MARK4: variants seen among roughly 807,000 people sequenced by gnomAD.
MARK4 encodes microtubule affinity regulating kinase 4.
In MARK4, 19 loss-of-function variants were observed where a neutral mutation model predicts 81.5. That is an observed-to-expected ratio of 0.23 (90% CI 0.16 to 0.34). The LOEUF (loss-of-function observed/expected upper bound fraction) is 0.34, where lower values mean the gene tolerates loss of function less well. Ranked by LOEUF, MARK4 falls within the 10% of genes least tolerant of loss-of-function variation. The pLI is 1.00. For synonymous variants in MARK4, 436 were observed against 439.0 expected, an observed-to-expected ratio of 0.99 and a Z score of 0.08; for missense variants, 772 against 1,058.8, an observed-to-expected ratio of 0.73 and a Z score of 3.76.
chr19:45,267,577 T>G (rs549229957), intron 7 of MARK4, among the ~76,000 whole-genome samples: 216 of 152,338 alleles, frequency 1.4e-3, no homozygotes, highest in African/African-American at 5.1e-3. Flanking sequence ...CCGGTTGTCT[T>G]GACTGTCGTT....
At chr19:45,274,141 C>T (rs558543415) in intron 8 of MARK4, among the ~76,000 whole-genome samples, 2 of 152,196 alleles carry the variant, frequency 1.3e-5, no homozygotes, top group East Asian at 3.9e-4. Flanking sequence ...CCCAGCCACT[C>T]GGGTGGCTGA....
rs560964205 is a variant in MARK4, at chr19:45,253,272, C to T, written c.51+1633C>T. Among the ~76,000 whole-genome samples the T allele has an allele frequency of 3.9e-5, 6 of 152,206 alleles. No individual in the cohort carries two copies. The South Asian group carries it at 1.2e-3, about 32-fold the overall frequency. ...CTCCCTCACAGAGACCACCCCGCAT[C>T]ATCACTATGGGCCAGAACTCCAATT... On this transcript the variant is annotated intron_variant, in intron 1 of 16. Coordinates refer to ENST00000262891, the MANE Select transcript of MARK4 (RefSeq NM_001199867.2).
Position 45,278,059 on chromosome 19 carries a change from A to G in MARK4, c.906+17A>G, listed in dbSNP as rs1371204278. ...ACTCTCGAGGTGAGCCCAGCCTCAC[A>G]GCCAGCGGGAGCCCTTCTAGTCTCC... On this transcript the variant is annotated intron_variant, in intron 9 of 16. Coordinates refer to ENST00000262891, the MANE Select transcript of MARK4 (RefSeq NM_001199867.2). 6.2e-7 allele frequency: 1 copy of G among 1,612,136 alleles called. No individual in the cohort carries two copies. The highest frequency in any genetic ancestry group is 8.5e-7 in the Non-Finnish European group (1 of 1,179,680).
intron 14 of MARK4, among the ~76,000 whole-genome samples, chr19:45,295,917 T>C (rs1970881354): frequency 1.3e-5 from 2 of 152,226 alleles, no homozygotes; most frequent in African/African-American, 4.8e-5. Flanking sequence ...TTTTTTTTGG[T>C]GGTTATCAAA....
intron 1 of MARK4, 75 bp downstream of exon 1, chr19:45,251,714 G>A (rs1030690425): frequency 1.5e-6 from 2 of 1,326,636 alleles, no homozygotes; most frequent in African/African-American, 1.6e-5. Flanking sequence ...TGTACCCCTC[G>A]CCCCGCGAGC....
In MARK4 at chr19:45,304,855, A is replaced by G. The variant is rs955315119; in HGVS notation, c.*2145A>G. On this transcript the variant is annotated 3_prime_UTR_variant, in exon 17 of 17. Transcript: ENST00000262891. ...CAAGGGCCAGGGAGCAAGAGAGAGG[A>G]CAGGTCCTCAACAAATGGCATGTGA... 2 of 152,416 alleles carry G rather than the reference A, an allele frequency of 1.3e-5. No homozygotes were observed. The highest frequency in any genetic ancestry group is 4.8e-5 in the African/African-American group (2 of 41,464). 9.4% of individuals were successfully genotyped at this position (152,416 alleles called of 1,614,324 possible).
chr19:45,293,382 C>T (rs1403834885), intron 13 of MARK4, among the ~76,000 whole-genome samples: 1 of 152,150 alleles, frequency 6.6e-6, no homozygotes, highest in Non-Finnish European at 1.5e-5. Flanking sequence ...TTTGTTCTAA[C>T]ATTAAAAGAT....
At chr19:45,255,559 C>CAAA (rs34066317) in intron 1 of MARK4, among the ~76,000 whole-genome samples, 22 of 90,198 alleles carry the variant, frequency 2.4e-4, no homozygotes, top group African/African-American at 7.9e-4. Context: ...GAAACTCTGC[C>CAAA]AAAAAAAAAA....
rs1162668518 is a variant in MARK4, at chr19:45,251,584, A to C, written c.-5A>C. 32 of 1,086,682 alleles carry C rather than the reference A, an allele frequency of 2.9e-5. No homozygotes were observed. Among genetic ancestry groups the C allele is most frequent in the Non-Finnish European group, 3.5e-5 (31 of 880,308 alleles). The allele number at this position is 1,086,682 out of a possible 1,614,324, so 67.3% of individuals were successfully genotyped here. A position where few individuals can be genotyped will look rare whatever the true frequency, so the allele number is the denominator to read the frequency against. On this transcript the variant is annotated 5_prime_UTR_variant, in exon 1 of 17. Coordinates refer to ENST00000262891, the MANE Select transcript of MARK4 (RefSeq NM_001199867.2). ...GCCGCCCCTGCCCCCCGGGACCCGG[A>C]GAAGATGTCTTCGCGGACGGTGCTG...
chr19:45,252,355 C>T (rs1599773999), intron 1 of MARK4, among the ~76,000 whole-genome samples: 1 of 152,146 alleles, frequency 6.6e-6, no homozygotes, highest in African/African-American at 2.4e-5. Flanking sequence ...GTCTCTTCCT[C>T]TCCCAGGAAG....
In MARK4 at chr19:45,271,212, A is replaced by G. The variant is rs1383027448; in HGVS notation, c.550-260A>G. Among the ~76,000 whole-genome samples the G allele has an allele frequency of 6.6e-6, 1 of 152,166 alleles. No homozygotes were observed. The highest frequency in any genetic ancestry group is 1.9e-4 in the East Asian group (1 of 5,194). ...TGAGCCACTATGTCTGGCCTGTGCT[A>G]GGTTTTCTATGTGGATTAACTCATA... is the stretch of plus-strand genomic sequence containing the variant. On this transcript the variant is annotated intron_variant, in intron 7 of 16. Coordinates refer to ENST00000262891, the MANE Select transcript of MARK4 (RefSeq NM_001199867.2). This position sits in a 1 kb window ranked among gnomAD's most constrained non-coding sequence, Gnocchi z 4.1.
At chr19:45,293,675 C>T (rs1037509207) in intron 13 of MARK4, among the ~76,000 whole-genome samples, 1 of 152,218 alleles carries the variant, frequency 6.6e-6, no homozygotes, top group Non-Finnish European at 1.5e-5. Context: ...AAAAAGAGGG[C>T]TCTCTTCCTA....
intron 8 of MARK4, among the ~76,000 whole-genome samples, chr19:45,275,122 G>A (rs545233558): frequency 2.0e-5 from 3 of 152,236 alleles, no homozygotes; most frequent in African/African-American, 4.8e-5. Flanking sequence ...GTAGCCAGGC[G>A]TGGCGGCACG....
At chr19:45,278,655 G>A (rs1443003951) in intron 10 of MARK4, 40 bp downstream of exon 10, 2 of 1,456,064 alleles carry the variant, frequency 1.4e-6, no homozygotes, top group Non-Finnish European at 1.9e-6. Context: ...CCAGGATGGA[G>A]TGCAGTGGTG....
At chr19:45,278,686 C>T in intron 10 of MARK4, 71 bp downstream of exon 10, 2 of 1,124,890 alleles carry the variant, frequency 1.8e-6, no homozygotes, top group Non-Finnish European at 2.7e-6. Context: ...TCACTGCAAC[C>T]TCCGCCTCCC....
chr19:45,261,566 C>T (rs1468512217), intron 2 of MARK4, among the ~76,000 whole-genome samples: 2 of 152,166 alleles, frequency 1.3e-5, no homozygotes, highest in Admixed American at 6.5e-5. Flanking sequence ...ACACATGGTT[C>T]CCTATATGTG....
In MARK4 at chr19:45,304,977, C is replaced by G. The variant is rs1042291873; in HGVS notation, c.*2267C>G. The G allele has an allele frequency of 6.6e-6, 1 of 152,308 alleles. No homozygotes were observed. The highest frequency in any genetic ancestry group is 2.4e-5 in the African/African-American group (1 of 41,366). The allele number at this position is 152,308 out of a possible 1,614,324, so 9.4% of individuals were successfully genotyped here. A position where few individuals can be genotyped will look rare whatever the true frequency, so the allele number is the denominator to read the frequency against. On this transcript the variant is annotated 3_prime_UTR_variant, in exon 17 of 17. Coordinates refer to ENST00000262891, the MANE Select transcript of MARK4 (RefSeq NM_001199867.2). ...GGGCCTGGGCTTTCTTCCAAGGGCA[C>G]TGGGGGAGCCATGGCAAGGTTGTAG...
At position 45,297,781 on chromosome 19, in the gene MARK4, C is replaced by T. The variant is rs774003543; in HGVS notation, c.1704C>T (p.Thr568=). The change falls in exon 15 of 17, where the codon ACC becomes ACT. Residue 568 remains threonine, a synonymous_variant. Transcript: ENST00000262891. ...RLARGSTIRS[T]FHGGQVRDRR... ...CACGTGGTTCCACCATCCGCAGCAC[C>T]TTCCATGGTGGCCAGGTCCGGGACC... 1.0e-5 allele frequency: 16 copies of T among 1,578,888 alleles called. No homozygotes were observed. The African/African-American group carries it at 1.1e-4, about 11-fold the overall frequency.
intron 13 of MARK4, among the ~76,000 whole-genome samples, chr19:45,289,127 C>T (rs1463456164): frequency 3.3e-5 from 5 of 151,518 alleles, no homozygotes; most frequent in African/African-American, 4.9e-5. Context: ...CGGTGGCTCA[C>T]GCCTATAATC....
Sources: gnomAD v4.1 joint callset for allele counts (sites outside exome capture counted in the v4.1 genomes callset) on GRCh38, gnomAD v4.1.1 for gene constraint, Gnocchi (gnomAD v3.1) non-coding constraint, MANE v1.5 for transcripts, NCBI Gene and HGNC (gene_info 2026-07-23, HGNC 2026-07-21) for gene names.